Variants in JAKMIP1 observed in about 807,000 individuals in gnomAD.
JAKMIP1 encodes the protein janus kinase and microtubule-interacting protein 1.
In JAKMIP1, 33 loss-of-function variants were observed where a neutral mutation model predicts 113.0. That is an observed-to-expected ratio of 0.29 (90% CI 0.22 to 0.39). The LOEUF (loss-of-function observed/expected upper bound fraction) is 0.39. Among genes scored for constraint, JAKMIP1 ranks in the 10% least tolerant of loss-of-function variants. The pLI is 1.00. For missense variants in JAKMIP1, 813 were observed against 1,080.5 expected (o/e 0.75, Z 3.47); for synonymous variants, 480 against 459.9 (o/e 1.04, Z -0.56).
rs1020545406 is a variant in JAKMIP1 at position 6,040,059 on chromosome 4, C to G, written c.2175+580G>C. ...GTTTCTATGATCTTACTCAACTCCC[C>G]TCCACCCCGAAGGAGAATTTCTCTC... On this transcript the variant is annotated intron_variant, in intron 18 of 20. Transcript: ENST00000409021. The surrounding 1 kb of genome is among the most constrained non-coding windows in gnomAD (Gnocchi z 5.8). Among the ~76,000 whole-genome samples the G allele has an allele frequency of 6.6e-6, 1 of 152,234 alleles. No individual in the cohort carries two copies. The highest frequency in any genetic ancestry group is 1.5e-5 in the Non-Finnish European group (1 of 68,048).
intron 1 of JAKMIP1, among the ~76,000 whole-genome samples, chr4:6,114,870 G>A (rs1392516796): frequency 6.6e-6 from 1 of 152,202 alleles, no homozygotes; most frequent in Non-Finnish European, 1.5e-5. Flanking sequence ...CTGATGGGCA[G>A]GAAGACACAG....
At position 6,085,641 on chromosome 4, in the gene JAKMIP1, A is replaced by G. The variant is rs1374307770; in HGVS notation, c.625-12T>C. 1.2e-6 allele frequency: 2 copies of G among 1,613,066 alleles called. No homozygotes were observed. Among genetic ancestry groups the G allele is most frequent in the South Asian group, 2.2e-5 (2 of 91,064 alleles). On this transcript the variant is annotated splice_polypyrimidine_tract_variant and intron_variant, in intron 3 of 20. Coordinates refer to ENST00000409021, the MANE Select transcript of JAKMIP1 (RefSeq NM_001099433.2). ...TTGATCTCATCCATCTGAAAAGGAG[A>G]AAGAATAAGCAGTCAGCCCTAGGGG...
At chr4:6,054,422 T>C (rs1340788819) in intron 12 of JAKMIP1, among the ~76,000 whole-genome samples, 1 of 152,114 alleles carries the variant, frequency 6.6e-6, no homozygotes, top group Non-Finnish European at 1.5e-5. Flanking sequence ...ACTTACATAT[T>C]TGCTGAATAA....
chr4:6,140,489 C>T lies in JAKMIP1; in HGVS notation c.-147-27492G>A, dbSNP rs1015229309. Among the ~76,000 whole-genome samples the T allele has an allele frequency of 1.6e-4, 24 of 152,022 alleles. No individual in the cohort carries two copies. Among genetic ancestry groups the T allele is most frequent in the Admixed American group, 1.4e-3 (21 of 15,260 alleles). On this transcript the variant is annotated intron_variant, in intron 1 of 20. Coordinates refer to ENST00000409021, the MANE Select transcript of JAKMIP1 (RefSeq NM_001099433.2). This position sits in a 1 kb window ranked among gnomAD's most constrained non-coding sequence, Gnocchi z 9.4. Reference sequence around the variant, plus strand: ...ACTGGGGGTCAGTGATTCGTGGTCCCCCCGATCAGCTTAAGGCCCCTTCCA... The same window carrying T: ...ACTGGGGGTCAGTGATTCGTGGTCCTCCCGATCAGCTTAAGGCCCCTTCCA...
rs1312166213 is a variant in JAKMIP1 at position 6,187,305 on chromosome 4, C to T, written c.-148+12948G>A. On this transcript the variant is annotated intron_variant, in intron 1 of 20. Transcript: ENST00000409021. This position sits in a 1 kb window ranked among gnomAD's most constrained non-coding sequence, Gnocchi z 4.2. ...ATTTTGTCTAATATCAGTACAGCCC[C>T]TTAGCTTTCTTATGGTTGCTATTTA... 6.6e-6 allele frequency among the ~76,000 whole-genome samples: 1 copy of T among 152,176 alleles called. No homozygotes were observed. The highest frequency in any genetic ancestry group is 1.9e-4 in the East Asian group (1 of 5,190).
At position 6,044,606 on chromosome 4, in the gene JAKMIP1, C is replaced by A. The variant is rs1440385374; in HGVS notation, c.2029-2379G>T. 6.6e-6 allele frequency among the ~76,000 whole-genome samples: 1 copy of A among 152,104 alleles called. No homozygotes were observed. The highest frequency in any genetic ancestry group is 1.5e-5 in the Non-Finnish European group (1 of 68,032). ...GTATTTCAGTTTTAATATCCTCATG[C>A]AAGCAGTCATAAAATGAATAAAATT... On this transcript the variant is annotated intron_variant, in intron 16 of 20. Coordinates refer to ENST00000409021, the MANE Select transcript of JAKMIP1 (RefSeq NM_001099433.2). The surrounding 1 kb of genome is among the most constrained non-coding windows in gnomAD (Gnocchi z 4.4).
rs2108837620 is a variant in JAKMIP1, at chr4:6,088,498, C to T, written c.625-2869G>A. 6.6e-6 allele frequency among the ~76,000 whole-genome samples: 1 copy of T among 152,320 alleles called. No homozygotes were observed. Among genetic ancestry groups the T allele is most frequent in the South Asian group, 2.1e-4 (1 of 4,820 alleles). On this transcript the variant is annotated intron_variant, in intron 3 of 20. Coordinates refer to ENST00000409021, the MANE Select transcript of JAKMIP1 (RefSeq NM_001099433.2). This position sits in a 1 kb window ranked among gnomAD's most constrained non-coding sequence, Gnocchi z 5.5. ...ATCCCAAATTCTCCACCTGGAAGAG[C>T]ACCAATTCCCCCTTGTCCTAGTAAG...
chr4:6,118,263 T>C (rs1578286963), intron 1 of JAKMIP1, among the ~76,000 whole-genome samples: 1 of 152,258 alleles, frequency 6.6e-6, no homozygotes, highest in East Asian at 1.9e-4. Context: ...CCGTTTGGGG[T>C]CCCTGACTTC....
Position 6,139,792 on chromosome 4 carries a change from T to A in JAKMIP1, c.-147-26795A>T, listed in dbSNP as rs1020789930. 1.3e-5 allele frequency among the ~76,000 whole-genome samples: 2 copies of A among 149,728 alleles called. No homozygotes were observed. Among genetic ancestry groups the A allele is most frequent in the African/African-American group, 4.9e-5 (2 of 40,724 alleles). On this transcript the variant is annotated intron_variant, in intron 1 of 20. Transcript: ENST00000409021. This position sits in a 1 kb window ranked among gnomAD's most constrained non-coding sequence, Gnocchi z 5.2. ...AAATATAAAATAAAATAAAATAAAATAAAATAAAATAAGGAAATGGGAGCA... is the reference window on the plus strand; with the variant it reads ...AAATATAAAATAAAATAAAATAAAAAAAAATAAAATAAGGAAATGGGAGCA...
chr4:6,113,944 G>A (rs996927511), intron 1 of JAKMIP1, among the ~76,000 whole-genome samples: 7 of 152,250 alleles, frequency 4.6e-5, no homozygotes, highest in African/African-American at 1.7e-4. Flanking sequence ...ATGAGTGAGT[G>A]AGTGACAGCA....
chr4:6,032,363 A>G (rs999964060), intron 19 of JAKMIP1, among the ~76,000 whole-genome samples: 3 of 152,174 alleles, frequency 2.0e-5, no homozygotes, highest in African/African-American at 7.2e-5. Flanking sequence ...AGAGTGTGGG[A>G]GGCCAGAAAG....
intron 2 of JAKMIP1, among the ~76,000 whole-genome samples, chr4:6,109,124 CTTTTTTTTTTTTT>C (rs71173408): frequency 5.2e-5 from 5 of 96,860 alleles, no homozygotes; most frequent in African/African-American, 1.6e-4. Context: ...CCTGGGGCAC[CTTTTTTTTTTTTT>C]TTTTTTTTTT....
chr4:6,062,182 CTATGG>C (rs1216170220), intron 10 of JAKMIP1, 125 bp downstream of exon 10: 1 of 955,972 alleles, frequency 1.0e-6, no homozygotes, highest in African/African-American at 1.6e-5. Context: ...AGAGACCTTG[CTATGG>C]GTTCCCCACC....
At chr4:6,054,794 C>A (rs764529270) in intron 12 of JAKMIP1, 30 of 456,724 alleles carry the variant, frequency 6.6e-5, no homozygotes, top group South Asian at 4.6e-4. Flanking sequence ...CTGGCAGCAG[C>A]GAGAAGTCAC....
In JAKMIP1 at chr4:6,086,478, C is replaced by A. The variant is rs1721330367; in HGVS notation, c.625-849G>T. On this transcript the variant is annotated intron_variant, in intron 3 of 20. Transcript: ENST00000409021. The surrounding 1 kb of genome is among the most constrained non-coding windows in gnomAD (Gnocchi z 4.1). ...CACGTACAAACCTGAACTTAATCTTCAGTTCACCCCCAGCCCTGTCTTGTC... is the reference window on the plus strand; with the variant it reads ...CACGTACAAACCTGAACTTAATCTTAAGTTCACCCCCAGCCCTGTCTTGTC... 6.6e-6 allele frequency among the ~76,000 whole-genome samples: 1 copy of A among 152,118 alleles called. No individual in the cohort carries two copies. The highest frequency in any genetic ancestry group is 2.4e-5 in the African/African-American group (1 of 41,508).
At chr4:6,072,883 A>AGCCTGGCCAATATGGTGAAACCC (rs1719171558) in intron 8 of JAKMIP1, among the ~76,000 whole-genome samples, 1 of 152,120 alleles carries the variant, frequency 6.6e-6, no homozygotes, top group Admixed American at 6.5e-5. Context: ...GTTCGAGACC[A>AGCCTGGCCAATATGGTGAAACCC]GCCTGGCCAA....
chr4:6,062,365 C>T lies in JAKMIP1; in HGVS notation c.1507G>A (p.Ala503Thr), dbSNP rs200374815. 231 of 1,613,480 alleles carry T rather than the reference C, an allele frequency of 1.4e-4. No individual in the cohort carries two copies. The highest frequency in any genetic ancestry group is 3.2e-5 in the Non-Finnish European group (38 of 1,179,938). The part of the protein sequence containing the change: ...REYQALQRAY[A>T]LLQEQVGGTL... ...CCTCCCACCTGCTCCTGGAGCAGGGCGTAGGCGCGTTGCAGGGCCTGGTAC... is the reference window on the plus strand; with the variant it reads ...CCTCCCACCTGCTCCTGGAGCAGGGTGTAGGCGCGTTGCAGGGCCTGGTAC... Residue 503 changes from alanine (A) to threonine (T), a missense_variant, in exon 10 of 21, where the codon GCC (alanine) becomes ACC (threonine). This residue lies in a region of JAKMIP1 where 273 missense variants were observed against 426.6 expected (regional missense o/e 0.64). Coordinates refer to ENST00000409021, the MANE Select transcript of JAKMIP1 (RefSeq NM_001099433.2).
chr4:6,174,649 C>G (rs1009001320), intron 1 of JAKMIP1, among the ~76,000 whole-genome samples: 7 of 152,136 alleles, frequency 4.6e-5, no homozygotes, highest in African/African-American at 1.7e-4. Context: ...TCTCTAGAGC[C>G]TTAAGTCTTC....
In JAKMIP1 at chr4:6,110,435, C is replaced by T. The variant is rs981737962; in HGVS notation, c.129+2287G>A. On this transcript the variant is annotated intron_variant, in intron 2 of 20. Transcript: ENST00000409021. The stretch of plus-strand genomic sequence containing the variant: ...TGCGTAAGCCGCCCTATCTGTGGGA[C>T]TTGGTTACTGCAGCCCTGGCAAGCT... 2.8e-4 allele frequency among the ~76,000 whole-genome samples: 43 copies of T among 151,446 alleles called. 1 individual carries two copies. Among genetic ancestry groups the T allele is most frequent in the African/African-American group, 1.0e-3 (43 of 41,210 alleles).
Sources: gnomAD v4.1 joint callset for allele counts (sites outside exome capture counted in the v4.1 genomes callset) on GRCh38, gnomAD v4.1.1 for gene constraint, gnomAD v4.1.1 regional missense constraint, Gnocchi (gnomAD v3.1) non-coding constraint, MANE v1.5 for transcripts, NCBI Gene and HGNC (gene_info 2026-07-23, HGNC 2026-07-21) for gene names.